HIVEP2: variants seen among roughly 807,000 people sequenced by gnomAD.
The protein encoded by HIVEP2 is HIVEP zinc finger 2.
In HIVEP2, 14 loss-of-function variants were observed where a neutral mutation model predicts 180.7. The ratio of observed to expected loss-of-function variants is 0.08; its 90% confidence interval spans 0.05 to 0.12. The LOEUF is 0.12. Ranked by LOEUF, HIVEP2 falls within the 10% of genes least tolerant of loss-of-function variation. The probability of loss-of-function intolerance (pLI) is 1.00; values close to 1 mark genes in which losing one functional copy is unlikely to be tolerated. For missense variants in HIVEP2, 2,579 were observed against 3,008.5 expected, an observed-to-expected ratio of 0.86 and a Z score of 3.34; for synonymous variants, 1,184 against 1,136.4, an observed-to-expected ratio of 1.04 and a Z score of -0.84.
chr6:142,900,769 C>G (rs1332011790), intron 1 of HIVEP2, among the ~76,000 whole-genome samples: 1 of 152,080 alleles, frequency 6.6e-6, no homozygotes, highest in Admixed American at 6.6e-5. Flanking sequence ...TTCTATCAGG[C>G]CTCCTTGCAC....
intron 7 of HIVEP2, among the ~76,000 whole-genome samples, chr6:142,762,259 G>T (rs1244553657): frequency 6.6e-6 from 1 of 151,728 alleles, no homozygotes; most frequent in African/African-American, 2.4e-5. Flanking sequence ...TTATCTTCAG[G>T]CTCCTATCAC....
At chr6:142,901,497 A>G (rs755915204) in intron 1 of HIVEP2, among the ~76,000 whole-genome samples, 7 of 152,190 alleles carry the variant, frequency 4.6e-5, no homozygotes, top group Non-Finnish European at 1.0e-4. Flanking sequence ...TTGTTTGGAA[A>G]TCAAATAAAA....
chr6:142,886,741 C>G (rs1459817228), intron 1 of HIVEP2, among the ~76,000 whole-genome samples: 1 of 152,184 alleles, frequency 6.6e-6, no homozygotes, highest in Non-Finnish European at 1.5e-5. Context: ...TATTAACTAT[C>G]TTGCCCACAC....
chr6:142,807,742 A>G (rs983395680), intron 2 of HIVEP2, among the ~76,000 whole-genome samples: 1 of 152,200 alleles, frequency 6.6e-6, no homozygotes, highest in Non-Finnish European at 1.5e-5. Context: ...CTCTAGGACA[A>G]GTCAAAGTGA....
intron 1 of HIVEP2, among the ~76,000 whole-genome samples, chr6:142,928,231 G>A (rs1777860835): frequency 6.6e-6 from 1 of 152,174 alleles, no homozygotes; most frequent in African/African-American, 2.4e-5. Context: ...TTGCTGAGAA[G>A]CTAAAACTAC....
intron 1 of HIVEP2, among the ~76,000 whole-genome samples, chr6:142,900,553 CTG>C (rs1327945671): frequency 6.6e-6 from 1 of 152,136 alleles, no homozygotes; most frequent in Non-Finnish European, 1.5e-5. Flanking sequence ...TGGAATAAGA[CTG>C]TGGAAAGAAG....
At chr6:142,910,040 T>A (rs1351900626) in intron 1 of HIVEP2, among the ~76,000 whole-genome samples, 1 of 152,230 alleles carries the variant, frequency 6.6e-6, no homozygotes, top group African/African-American at 2.4e-5. Context: ...TGACAATGTT[T>A]GACTTCCATA....
chr6:142,773,914 A>C lies in HIVEP2; in HGVS notation c.825T>G (p.Gly275=). ...CCTCATCTGTGTCTGTACTCTGTTC[A>C]CCATCTGAATGTATTTCTGCTTCTA... is the stretch of plus-strand genomic sequence containing the variant. ...IDVEAEIHSD[G]EQSTDTDEES... Residue 275 remains glycine, a synonymous_variant, in exon 5 of 10, where the codon GGT becomes GGG. Coordinates refer to ENST00000367603, the MANE Select transcript of HIVEP2 (RefSeq NM_006734.4). 1 of 1,614,006 alleles carries C rather than the reference A, an allele frequency of 6.2e-7. No individual in the cohort carries two copies. The highest frequency in any genetic ancestry group is 8.5e-7 in the Non-Finnish European group (1 of 1,180,024).
chr6:142,774,899 C>T lies in HIVEP2; in HGVS notation c.-161G>A, dbSNP rs547720359. On this transcript the variant is annotated 5_prime_UTR_variant, in exon 5 of 10. Coordinates refer to ENST00000367603, the MANE Select transcript of HIVEP2 (RefSeq NM_006734.4). This position sits in a 1 kb window ranked among gnomAD's most constrained non-coding sequence, Gnocchi z 5.1. ...TCTTTGGAACCTTCCACACGCACACCACAGTCGATGGGCATTAGCTAGTAA... is the reference window on the plus strand; with the variant it reads ...TCTTTGGAACCTTCCACACGCACACTACAGTCGATGGGCATTAGCTAGTAA... The T allele has an allele frequency of 8.0e-5, 119 of 1,486,034 alleles. 1 individual carries two copies. The South Asian group carries it at 1.6e-3, about 20-fold the overall frequency. The allele number at this position is 1,486,034 out of a possible 1,614,324, so 92.1% of individuals were successfully genotyped here.
At position 142,772,711 on chromosome 6, in the gene HIVEP2, A is replaced by G; in HGVS notation, c.2028T>C (p.Asp676=). 2.5e-6 allele frequency: 4 copies of G among 1,614,194 alleles called. No individual in the cohort carries two copies. The highest frequency in any genetic ancestry group is 3.4e-6 in the Non-Finnish European group (4 of 1,180,036). ...GTACTCCCTGCAATGGCACCACGGG[A>G]TCCATGAAATATTCTCCACCATGCT... The part of the protein sequence containing the change: ...SLKHGGEYFM[D]PVVPLQGVPS... The change falls in exon 5 of 10, where the codon GAT becomes GAC. Residue 676 remains aspartate, a synonymous_variant. Transcript: ENST00000367603. This position sits in a 1 kb window ranked among gnomAD's most constrained non-coding sequence, Gnocchi z 4.9.
At position 142,760,605 on chromosome 6, in the gene HIVEP2, G is replaced by T; in HGVS notation, c.5683C>A (p.His1895Asn). ...GATTCCTCAGCATCGGAGAACTGAT[G>T]ATCAGTTGAAATGCTGGACATGCTA... is the stretch of plus-strand genomic sequence containing the variant. ...KHSMSSISTDHQFSDAEESDG... is the reference protein window; with the variant it reads ...KHSMSSISTDNQFSDAEESDG... The change falls in exon 9 of 10, where the codon CAT becomes AAT. Residue 1895 changes from histidine (H) to asparagine (N), a missense_variant. His to Asn is a moderately conservative substitution (Grantham distance 68, BLOSUM62 1). Coordinates refer to ENST00000367603, the MANE Select transcript of HIVEP2 (RefSeq NM_006734.4). 6.2e-7 allele frequency: 1 copy of T among 1,612,692 alleles called. No individual in the cohort carries two copies. The highest frequency in any genetic ancestry group is 8.5e-7 in the Non-Finnish European group (1 of 1,178,796).
chr6:142,925,314 A>G (rs1243650010), intron 1 of HIVEP2, among the ~76,000 whole-genome samples: 1 of 152,188 alleles, frequency 6.6e-6, no homozygotes, highest in African/African-American at 2.4e-5. Flanking sequence ...GTGTACTATA[A>G]TGGATTCTGC....
Position 142,770,941 on chromosome 6 carries a change from C to A in HIVEP2, c.3798G>T (p.Lys1266Asn). The A allele has an allele frequency of 6.2e-7, 1 of 1,614,218 alleles. No homozygotes were observed. The highest frequency in any genetic ancestry group is 1.3e-5 in the African/African-American group (1 of 75,054). The stretch of plus-strand genomic sequence containing the variant: ...TCGTGTGTGCATACTCAGCAGGTTT[C>A]TTTCCAGTGTGCTCTGCCACATGCT... ...PLEHVAEHTG[K>N]KPAEYAHTKE... The change falls in exon 5 of 10, where the codon AAG becomes AAT. Residue 1266 changes from lysine to asparagine, a missense_variant. This residue lies in a region of HIVEP2 where 523 missense variants were observed against 577.0 expected (regional missense o/e 0.91). Transcript: ENST00000367603. The surrounding 1 kb of genome is among the most constrained non-coding windows in gnomAD (Gnocchi z 4.7).
chr6:142,903,022 T>G (rs1302551971), intron 1 of HIVEP2, among the ~76,000 whole-genome samples: 2 of 152,230 alleles, frequency 1.3e-5, no homozygotes, highest in East Asian at 3.8e-4. Context: ...TCCCTTGTTG[T>G]AAAACTAGGA....
chr6:142,845,331 T>C lies in HIVEP2; in HGVS notation c.-640-8284A>G, dbSNP rs369197083. 4.7e-4 allele frequency among the ~76,000 whole-genome samples: 71 copies of C among 152,310 alleles called. 2 individuals carry two copies. The South Asian group carries it at 8.5e-3, about 18-fold the overall frequency. On this transcript the variant is annotated intron_variant, in intron 1 of 9. Coordinates refer to ENST00000367603, the MANE Select transcript of HIVEP2 (RefSeq NM_006734.4). ...CAGATATGGTTTACTTTCAGTTCTCTGAGGTGATTCTTATTGGAATTGAAG... is the reference window on the plus strand; with the variant it reads ...CAGATATGGTTTACTTTCAGTTCTCCGAGGTGATTCTTATTGGAATTGAAG...
At chr6:142,940,950 T>C (rs1778162686) in intron 1 of HIVEP2, among the ~76,000 whole-genome samples, 1 of 152,142 alleles carries the variant, frequency 6.6e-6, no homozygotes, top group Admixed American at 6.5e-5. Context: ...TCTCTTCCTC[T>C]CTCCAAAGCA....
At chr6:142,823,312 T>G (rs750217301) in intron 2 of HIVEP2, among the ~76,000 whole-genome samples, 1 of 152,162 alleles carries the variant, frequency 6.6e-6, no homozygotes, top group Non-Finnish European at 1.5e-5. Flanking sequence ...ACCTTTATCA[T>G]AGGCATCCAG....
chr6:142,868,342 C>G (rs1776196339), intron 1 of HIVEP2, among the ~76,000 whole-genome samples: 1 of 152,124 alleles, frequency 6.6e-6, no homozygotes, highest in African/African-American at 2.4e-5. Flanking sequence ...GTGCATGGTT[C>G]ACAAGAACAA....
Position 142,769,752 on chromosome 6 carries a change from C to T in HIVEP2, c.4987G>A (p.Ala1663Thr), listed in dbSNP as rs1339213091. 1 of 1,614,148 alleles carries T rather than the reference C, an allele frequency of 6.2e-7. No homozygotes were observed. Among genetic ancestry groups the T allele is most frequent in the Admixed American group, 1.7e-5 (1 of 60,016 alleles). ...NYTKPNYVQQ[A>T]TFKSSVYASW... ...GCATAAACCGAGGATTTGAAGGTGG[C>T]CTGTTGCACATAATTGGGTTTTGTA... is the stretch of plus-strand genomic sequence containing the variant. The change falls in exon 5 of 10, where the codon GCC becomes ACC. Residue 1663 changes from alanine (A) to threonine (T), a missense_variant. By Grantham distance (58) the Ala-to-Thr change is moderately conservative. This residue lies in a region of HIVEP2 where 349 missense variants were observed against 367.2 expected (regional missense o/e 0.95). Transcript: ENST00000367603.
Sources: gnomAD v4.1 joint callset for allele counts (sites outside exome capture counted in the v4.1 genomes callset) on GRCh38, gnomAD v4.1.1 for gene constraint, gnomAD v4.1.1 regional missense constraint, Gnocchi (gnomAD v3.1) non-coding constraint, MANE v1.5 for transcripts, NCBI Gene and HGNC (gene_info 2026-07-23, HGNC 2026-07-21) for gene names.